PIK3R1: variants seen among roughly 807,000 people sequenced by gnomAD.
The protein encoded by PIK3R1 is phosphoinositide-3-kinase regulatory subunit 1, also known as phosphatidylinositol 3-kinase regulatory subunit alpha.
PIK3R1 carries 29 observed loss-of-function variants against 98.0 expected under a neutral mutation model. The observed-to-expected ratio is 0.30, with a 90% CI of 0.22 to 0.40. PIK3R1 has a LOEUF of 0.40. Ranked by LOEUF, PIK3R1 falls within the 10% of genes least tolerant of loss-of-function variation. The pLI, the probability that PIK3R1 is intolerant of heterozygous loss-of-function variation, is 1.00. For missense variants in PIK3R1, 596 were observed against 872.7 expected (o/e 0.68, Z 3.99); for synonymous variants, 282 against 311.8 (o/e 0.90, Z 1.01).
intron 2 of PIK3R1, among the ~76,000 whole-genome samples, chr5:68,233,375 A>G (rs999101116): frequency 6.6e-6 from 1 of 152,244 alleles, no homozygotes; most frequent in Non-Finnish European, 1.5e-5. Flanking sequence ...GCATAATTGC[A>G]TGATGGATTA....
chr5:68,269,048 C>T (rs1247486302), intron 2 of PIK3R1, among the ~76,000 whole-genome samples: 1 of 152,152 alleles, frequency 6.6e-6, no homozygotes, highest in Non-Finnish European at 1.5e-5. Context: ...AATATTCTTC[C>T]TACAACCTGG....
At chr5:68,257,794 A>G (rs1745579626) in intron 2 of PIK3R1, among the ~76,000 whole-genome samples, 1 of 152,170 alleles carries the variant, frequency 6.6e-6, no homozygotes, top group Admixed American at 6.5e-5. Context: ...TTTCCAAAGG[A>G]AACTCCCTTG....
In PIK3R1 at chr5:68,271,009, C is replaced by G. The variant is rs535410610; in HGVS notation, c.335-2381C>G. Among the ~76,000 whole-genome samples the G allele has an allele frequency of 1.2e-3, 180 of 152,222 alleles. 2 individuals carry two copies. The highest frequency in any genetic ancestry group is 4.2e-3 in the African/African-American group (176 of 41,530). On this transcript the variant is annotated intron_variant, in intron 2 of 15. Coordinates refer to ENST00000521381, the MANE Select transcript of PIK3R1 (RefSeq NM_181523.3). ...TCAGATATATTTACATTTTAACATA[C>G]AGGGATTTGAGAGATGTCATTGCTG...
At chr5:68,269,493 A>AT (rs1322874927) in intron 2 of PIK3R1, among the ~76,000 whole-genome samples, 1 of 152,052 alleles carries the variant, frequency 6.6e-6, no homozygotes, top group Non-Finnish European at 1.5e-5. Context: ...TAGTACTATT[A>AT]TTTTTTGGTT....
intron 1 of PIK3R1, among the ~76,000 whole-genome samples, chr5:68,222,078 A>G (rs987864505): frequency 5.3e-5 from 8 of 152,262 alleles, no homozygotes; most frequent in Non-Finnish European, 1.2e-4. Context: ...AGATAATGTT[A>G]TCTACATATA....
chr5:68,288,385 A>G, intron 7 of PIK3R1: 1 of 1,139,658 alleles, frequency 8.8e-7, no homozygotes, highest in African/African-American at 1.6e-5. Context: ...TCTAAGGGAG[A>G]CGTGCGAGCG....
rs1447261778 is a variant in PIK3R1, at chr5:68,301,777, T to C, written c.*4176T>C. The C allele has an allele frequency of 5.9e-6, 1 of 168,532 alleles. No homozygotes were observed. Among genetic ancestry groups the C allele is most frequent in the East Asian group, 1.2e-4 (1 of 8,138 alleles). The allele number at this position is 168,532 out of a possible 1,614,324, so 10.4% of individuals were successfully genotyped here. ...TCTTGTTTTAAGTTGCTTTAATGCA[T>C]TGTATTAGATCTTCAAACAGAATAA... On this transcript the variant is annotated 3_prime_UTR_variant, in exon 16 of 16. Transcript: ENST00000521381.
intron 2 of PIK3R1, among the ~76,000 whole-genome samples, chr5:68,232,382 A>C (rs968539183): frequency 6.6e-6 from 1 of 152,186 alleles, no homozygotes; most frequent in African/African-American, 2.4e-5. Context: ...AAGAGACAGG[A>C]TGCTCACTTT....
At chr5:68,234,850 G>C (rs892593699) in intron 2 of PIK3R1, among the ~76,000 whole-genome samples, 9 of 152,180 alleles carry the variant, frequency 5.9e-5, no homozygotes, top group Admixed American at 5.2e-4. Flanking sequence ...CAGAGTGACT[G>C]TCTGGGGTTG....
At chr5:68,230,026 G>C (rs1409297392) in intron 2 of PIK3R1, among the ~76,000 whole-genome samples, 2 of 152,220 alleles carry the variant, frequency 1.3e-5, no homozygotes, top group Non-Finnish European at 2.9e-5. Context: ...ATGAAATCAA[G>C]GCTCAAGAGC....
At chr5:68,227,772 G>A (rs956163030) in intron 2 of PIK3R1, among the ~76,000 whole-genome samples, 1 of 152,156 alleles carries the variant, frequency 6.6e-6, no homozygotes, top group African/African-American at 2.4e-5. Context: ...TTCCTTTGTG[G>A]GTAGTGTCAT....
At chr5:68,273,865 C>A in intron 3 of PIK3R1, 74 bp from the exon 4 acceptor site, 1 of 1,136,248 alleles carries the variant, frequency 8.8e-7, no homozygotes, top group Non-Finnish European at 1.3e-6. Context: ...TGGAATGTCT[C>A]TGGCAGCAGC....
At chr5:68,268,785 C>T (rs1430082519) in intron 2 of PIK3R1, among the ~76,000 whole-genome samples, 1 of 152,142 alleles carries the variant, frequency 6.6e-6, no homozygotes, top group Non-Finnish European at 1.5e-5. Flanking sequence ...GTGAATGCCT[C>T]CAGAAGGTGC....
rs2112284200 is a variant in PIK3R1, at chr5:68,296,309, C to T, written c.1953C>T (p.Ser651=). 1 of 1,614,132 alleles carries T rather than the reference C, an allele frequency of 6.2e-7. No homozygotes were observed. Among genetic ancestry groups the T allele is most frequent in the East Asian group, 2.2e-5 (1 of 44,882 alleles). ...ATGGCACTTTTCTTGTCCGGGAGAGCAGTAAACAGGGCTGCTATGCCTGCT... is the reference window on the plus strand; with the variant it reads ...ATGGCACTTTTCTTGTCCGGGAGAGTAGTAAACAGGGCTGCTATGCCTGCT... ...KRDGTFLVRE[S]SKQGCYACSV... The change falls in exon 15 of 16, where the codon AGC becomes AGT. Residue 651 remains serine (S), a synonymous_variant. Coordinates refer to ENST00000521381, the MANE Select transcript of PIK3R1 (RefSeq NM_181523.3).
intron 1 of PIK3R1, among the ~76,000 whole-genome samples, chr5:68,225,095 A>G (rs1744226141): frequency 6.6e-6 from 1 of 152,220 alleles, no homozygotes; most frequent in South Asian, 2.1e-4. Flanking sequence ...TCCTGTCTGG[A>G]TGCCTTTGCA....
chr5:68,287,219 G>A (rs2112218922), intron 7 of PIK3R1, among the ~76,000 whole-genome samples: 1 of 152,318 alleles, frequency 6.6e-6, no homozygotes, highest in Non-Finnish European at 1.5e-5. Context: ...ATTTAAGCAA[G>A]CTAAAAATAG....
chr5:68,288,235 C>T (rs1172988978), intron 7 of PIK3R1: 4 of 201,150 alleles, frequency 2.0e-5, no homozygotes, highest in East Asian at 1.9e-4. Context: ...ATTTCCCAGG[C>T]GAAAATGAGC....
At chr5:68,250,003 G>C (rs190336722) in intron 2 of PIK3R1, among the ~76,000 whole-genome samples, 69 of 152,300 alleles carry the variant, frequency 4.5e-4, no homozygotes, top group Admixed American at 8.5e-4. Flanking sequence ...AAAGGGAAGA[G>C]AAAATTTTCA....
At chr5:68,288,843 C>G (rs1285766217) in intron 7 of PIK3R1, 5 of 1,317,072 alleles carry the variant, frequency 3.8e-6, no homozygotes, top group Non-Finnish European at 5.5e-6. Context: ...GTGCGTGCGC[C>G]CCTGTAAGCG....
Sources: allele counts gnomAD v4.1 joint callset (sites outside exome capture counted in the v4.1 genomes callset), GRCh38; gene constraint gnomAD v4.1.1; transcripts MANE v1.5; gene names NCBI Gene and HGNC (gene_info 2026-07-23, HGNC 2026-07-21).